LAMB1: variants seen among roughly 807,000 people sequenced by gnomAD.
LAMB1 encodes laminin subunit beta-1.
LAMB1 carries 121 observed loss-of-function variants against 222.3 expected under a neutral mutation model. That is an observed-to-expected ratio of 0.54 (90% CI 0.47 to 0.63). The LOEUF is 0.63. Ranked by LOEUF, LAMB1 falls within the 30% of genes least tolerant of loss-of-function variation. The pLI, the probability that LAMB1 is intolerant of heterozygous loss-of-function variation, is 0.00. For missense variants in LAMB1, 2,172 were observed against 2,240.8 expected, an observed-to-expected ratio of 0.97 and a Z score of 0.62; for synonymous variants, 794 against 807.2, an observed-to-expected ratio of 0.98 and a Z score of 0.28.
intron 20 of LAMB1, among the ~76,000 whole-genome samples, chr7:107,958,277 T>G (rs1404869450): frequency 6.6e-6 from 1 of 152,192 alleles, no homozygotes; most frequent in Admixed American, 6.5e-5. Flanking sequence ...ATTTTAAGGT[T>G]GGAAGGGATA....
rs754779592 is a variant in LAMB1 at position 107,964,577 on chromosome 7, T to A, written c.1673A>T (p.Glu558Val). 6.2e-7 allele frequency: 1 copy of A among 1,614,180 alleles called. No individual in the cohort carries two copies. The highest frequency in any genetic ancestry group is 8.5e-7 in the Non-Finnish European group (1 of 1,180,024). The change falls in exon 14 of 34, where the codon GAA (glutamate) becomes GTA (valine). Residue 558 changes from glutamate to valine, a missense_variant. By Grantham distance (121) the Glu-to-Val change is moderately radical. Transcript: ENST00000222399. ...AGGCCCCAAGTTGGCTTCCTCCGCT[T>A]CATAGAGGTAGTGATCCAGGGTGGC... is the stretch of plus-strand genomic sequence containing the variant. ...YFATLDHYLY[E>V]AEEANLGPGV...
chr7:107,998,875 A>G (rs745568051), intron 3 of LAMB1, among the ~76,000 whole-genome samples: 17 of 152,256 alleles, frequency 1.1e-4, no homozygotes, highest in Non-Finnish European at 2.1e-4. Context: ...AAAGCAAACT[A>G]AAAATGAAAG....
At chr7:107,970,450 C>G (rs185693680) in intron 13 of LAMB1, among the ~76,000 whole-genome samples, 33 of 129,148 alleles carry the variant, frequency 2.6e-4, no homozygotes, top group African/African-American at 9.7e-4. Flanking sequence ...ATCAATGCCA[C>G]TGCACTCCAG....
intron 22 of LAMB1, 21 bp downstream of exon 22, chr7:107,953,509 C>A: frequency 6.6e-7 from 1 of 1,522,928 alleles, no homozygotes; most frequent in Non-Finnish European, 9.1e-7. Flanking sequence ...AAGAAGTGGG[C>A]AGAATAAATG....
chr7:107,999,081 G>A (rs930144619), intron 3 of LAMB1, among the ~76,000 whole-genome samples: 1 of 152,236 alleles, frequency 6.6e-6, no homozygotes, highest in Non-Finnish European at 1.5e-5. Context: ...GGGGAAGGGA[G>A]GACCAGGCTG....
Position 107,956,458 on chromosome 7 carries a change from C to T in LAMB1, c.2691-828G>A, listed in dbSNP as rs552104038. ...AGGGATCCTACTTGCAGGACCACTG[C>T]GTTCGAGTGACACCCATGGCTTCAT... On this transcript the variant is annotated intron_variant, in intron 20 of 33. Transcript: ENST00000222399. 5.9e-5 allele frequency among the ~76,000 whole-genome samples: 9 copies of T among 152,308 alleles called. No individual in the cohort carries two copies. The East Asian group carries it at 7.7e-4, about 13-fold the overall frequency.
At chr7:107,977,241 G>A (rs956589988) in intron 9 of LAMB1, among the ~76,000 whole-genome samples, 6 of 152,110 alleles carry the variant, frequency 3.9e-5, no homozygotes, top group African/African-American at 7.2e-5. Context: ...TCTCAGTGGG[G>A]GCAGAGGCGG....
intron 20 of LAMB1, among the ~76,000 whole-genome samples, chr7:107,957,969 G>A (rs2033412351): frequency 1.3e-5 from 2 of 152,182 alleles, no homozygotes; most frequent in African/African-American, 4.8e-5. Flanking sequence ...TATCAACTAT[G>A]CCATTCTGAC....
At chr7:108,002,434 C>T (rs748662124) in intron 2 of LAMB1, 64 of 1,308,380 alleles carry the variant, frequency 4.9e-5, no homozygotes, top group Non-Finnish European at 5.4e-5. Flanking sequence ...GCCACATGGC[C>T]CCCATCTGTT....
At chr7:107,931,807 A>C (rs2032717790) in intron 28 of LAMB1, 1 of 472,702 alleles carries the variant, frequency 2.1e-6, no homozygotes, top group South Asian at 2.7e-5. Flanking sequence ...AATACTTAAA[A>C]AGTGTGTGTC....
Position 107,975,107 on chromosome 7 carries a change from A to C in LAMB1, c.1370-9T>G. ...AGGATTGCAAGCACAAGCTGTATTA[A>C]AACAAAATGAAGTGGAGAAACACAG... On this transcript the variant is annotated splice_polypyrimidine_tract_variant and intron_variant, in intron 11 of 33. Transcript: ENST00000222399. 1 of 1,585,964 alleles carries C rather than the reference A, an allele frequency of 6.3e-7. No individual in the cohort carries two copies. The highest frequency in any genetic ancestry group is 2.2e-5 in the East Asian group (1 of 44,748).
At chr7:107,963,316 C>T (rs1245489602) in intron 14 of LAMB1, among the ~76,000 whole-genome samples, 1 of 152,100 alleles carries the variant, frequency 6.6e-6, no homozygotes, top group African/African-American at 2.4e-5. Context: ...TGGGATATAC[C>T]TTATTTGATA....
At chr7:107,960,974 G>A (rs1042454546) in intron 17 of LAMB1, among the ~76,000 whole-genome samples, 1 of 152,178 alleles carries the variant, frequency 6.6e-6, no homozygotes, top group Non-Finnish European at 1.5e-5. Context: ...GATTACAGGT[G>A]TGAGTCACTA....
chr7:107,967,759 T>C (rs1026966846), intron 13 of LAMB1, among the ~76,000 whole-genome samples: 6 of 151,158 alleles, frequency 4.0e-5, no homozygotes, highest in African/African-American at 7.3e-5. Context: ...GAAAGAGAAA[T>C]AGAAAAAAAA....
chr7:107,961,258 T>C lies in LAMB1; in HGVS notation c.2057A>G (p.Gln686Arg). The change falls in exon 17 of 34, where the codon CAG becomes CGG. Residue 686 changes from glutamine to arginine, a missense_variant. By Grantham distance (43) the Gln-to-Arg change is conservative. Coordinates refer to ENST00000222399, the MANE Select transcript of LAMB1 (RefSeq NM_002291.3). ...TNYTVRLELP[Q>R]YTSSDSDVES... ...CACGTCGCTATCAGAGGAGGTGTAC[T>C]GAGGCAGCTCCAACCTCACCGTGTA... The C allele has an allele frequency of 6.2e-7, 1 of 1,614,088 alleles. No homozygotes were observed. The highest frequency in any genetic ancestry group is 8.5e-7 in the Non-Finnish European group (1 of 1,179,992).
chr7:107,931,301 A>G, intron 29 of LAMB1, 55 bp downstream of exon 29: 1 of 1,490,464 alleles, frequency 6.7e-7, no homozygotes, highest in Non-Finnish European at 9.3e-7. Context: ...CTAAAATGTA[A>G]ACAGAGAATC....
intron 5 of LAMB1, among the ~76,000 whole-genome samples, chr7:107,993,425 C>T (rs1029759512): frequency 2.6e-5 from 4 of 152,162 alleles, no homozygotes; most frequent in Non-Finnish European, 5.9e-5. Flanking sequence ...TGAGCCACCA[C>T]GCCTGGCCCC....
chr7:107,999,164 C>A (rs747318992), intron 3 of LAMB1, among the ~76,000 whole-genome samples: 1 of 152,228 alleles, frequency 6.6e-6, no homozygotes, highest in Non-Finnish European at 1.5e-5. Flanking sequence ...TGGGCATGAA[C>A]TAGGATGAAG....
intron 15 of LAMB1, among the ~76,000 whole-genome samples, 186 bp downstream of exon 15, chr7:107,962,719 A>G (rs1483657879): frequency 1.3e-5 from 2 of 152,066 alleles, no homozygotes; most frequent in African/African-American, 4.8e-5. Flanking sequence ...AAAAAAAAAA[A>G]AAAAAAGAAA....
Sources: gnomAD v4.1 joint callset for allele counts (sites outside exome capture counted in the v4.1 genomes callset) on GRCh38, gnomAD v4.1.1 for gene constraint, MANE v1.5 for transcripts, NCBI Gene and HGNC (gene_info 2026-07-23, HGNC 2026-07-21) for gene names.